SORCS3: variants seen among roughly 807,000 people sequenced by gnomAD.
SORCS3 encodes the protein sortilin related VPS10 domain containing receptor 3.
In SORCS3, 57 loss-of-function variants were observed where a neutral mutation model predicts 146.3. The ratio of observed to expected loss-of-function variants is 0.39; its 90% CI spans 0.31 to 0.49. SORCS3 has a LOEUF of 0.49. SORCS3 is among the 20% of genes least tolerant of loss of function. SORCS3 has a pLI of 0.92. For synonymous variants in SORCS3, 653 were observed against 618.5 expected (o/e 1.06, Z -0.83); for missense variants, 1,341 against 1,575.5 (o/e 0.85, Z 2.52).
intron 14 of SORCS3, among the ~76,000 whole-genome samples, 168 bp from the exon 15 acceptor site, chr10:105,199,831 T>C (rs1464533969): frequency 1.3e-5 from 2 of 152,208 alleles, no homozygotes; most frequent in Non-Finnish European, 2.9e-5. Context: ...GATTGAATTG[T>C]ATGGATAGTG....
At chr10:104,923,470 C>T (rs553970167) in intron 3 of SORCS3, among the ~76,000 whole-genome samples, 1 of 152,230 alleles carries the variant, frequency 6.6e-6, no homozygotes, top group Non-Finnish European at 1.5e-5. Flanking sequence ...AACACACTGG[C>T]TCTGCTGGTA....
chr10:104,987,564 T>C (rs1446083338), intron 4 of SORCS3, among the ~76,000 whole-genome samples: 2 of 152,208 alleles, frequency 1.3e-5, no homozygotes, highest in Non-Finnish European at 1.5e-5. Flanking sequence ...AACTAAAATA[T>C]GCAGCCTGAG....
At chr10:105,120,333 T>C (rs2055923042) in intron 7 of SORCS3, among the ~76,000 whole-genome samples, 1 of 152,330 alleles carries the variant, frequency 6.6e-6, no homozygotes, top group Admixed American at 6.5e-5. Flanking sequence ...TTAAGAAGTT[T>C]AATTACCCAG....
At chr10:105,220,281 A>G (rs1320078780) in intron 19 of SORCS3, among the ~76,000 whole-genome samples, 1 of 152,172 alleles carries the variant, frequency 6.6e-6, no homozygotes, top group Non-Finnish European at 1.5e-5. Context: ...TTAACCAAAC[A>G]TGCTTGTCCT....
chr10:105,212,138 A>G (rs1371504373), intron 17 of SORCS3, among the ~76,000 whole-genome samples: 3 of 152,190 alleles, frequency 2.0e-5, no homozygotes, highest in African/African-American at 7.2e-5. Flanking sequence ...GTAGATGTAG[A>G]TAGGTTGAGT....
chr10:105,004,188 C>A (rs560424170), intron 4 of SORCS3, among the ~76,000 whole-genome samples: 2 of 152,022 alleles, frequency 1.3e-5, no homozygotes, highest in Non-Finnish European at 2.9e-5. Flanking sequence ...GGAAGCCTGG[C>A]GGGGTTGGGG....
chr10:105,245,066 C>CAAA (rs3043042), intron 20 of SORCS3, among the ~76,000 whole-genome samples: 28 of 99,748 alleles, frequency 2.8e-4, no homozygotes, highest in Non-Finnish European at 4.2e-4. Flanking sequence ...AAGACTCTGT[C>CAAA]AAAAAAAAAA....
intron 1 of SORCS3, among the ~76,000 whole-genome samples, chr10:104,747,651 C>T (rs2016926857): frequency 6.6e-6 from 1 of 152,206 alleles, no homozygotes; most frequent in Non-Finnish European, 1.5e-5. Flanking sequence ...TGATACTGTG[C>T]TATGCTCTGT....
intron 1 of SORCS3, among the ~76,000 whole-genome samples, chr10:104,765,957 G>C (rs1214725368): frequency 1.3e-5 from 2 of 152,146 alleles, no homozygotes; most frequent in Non-Finnish European, 2.9e-5. Context: ...AGGCCTGTGT[G>C]GGGAACATCT....
intron 14 of SORCS3, among the ~76,000 whole-genome samples, chr10:105,196,089 T>A (rs1164233985): frequency 6.6e-6 from 1 of 152,202 alleles, no homozygotes; most frequent in Non-Finnish European, 1.5e-5. Context: ...CCTATTCTTG[T>A]GTTCTGTCCT....
intron 2 of SORCS3, among the ~76,000 whole-genome samples, chr10:104,844,631 T>A (rs1036153752): frequency 2.0e-5 from 3 of 152,176 alleles, no homozygotes; most frequent in Non-Finnish European, 2.9e-5. Context: ...CACCAAGCTG[T>A]GTTATTTTGG....
intron 2 of SORCS3, among the ~76,000 whole-genome samples, chr10:104,856,874 G>GAT (rs1402080059): frequency 6.9e-6 from 1 of 144,684 alleles, no homozygotes; most frequent in African/African-American, 2.5e-5. Context: ...ATAAATTAGA[G>GAT]ATATATATAG....
intron 1 of SORCS3, among the ~76,000 whole-genome samples, chr10:104,706,332 G>A (rs1453514305): frequency 2.7e-5 from 4 of 147,638 alleles, no homozygotes; most frequent in Non-Finnish European, 4.5e-5. Context: ...CTCAGCCTCC[G>A]GAGTAGCTGG....
intron 1 of SORCS3, among the ~76,000 whole-genome samples, chr10:104,696,137 CAT>C (rs1365835218): frequency 5.1e-5 from 5 of 98,746 alleles, no homozygotes; most frequent in South Asian, 2.8e-4. Flanking sequence ...ATCATATACA[CAT>C]ATTATATATA....
intron 7 of SORCS3, among the ~76,000 whole-genome samples, chr10:105,120,998 A>C (rs1288370764): frequency 6.6e-6 from 1 of 152,162 alleles, no homozygotes; most frequent in Non-Finnish European, 1.5e-5. Flanking sequence ...CAGGATGCTT[A>C]TATGGAGGGA....
At chr10:105,086,324 G>A (rs1438958215) in intron 5 of SORCS3, among the ~76,000 whole-genome samples, 2 of 152,158 alleles carry the variant, frequency 1.3e-5, no homozygotes, top group Non-Finnish European at 2.9e-5. Context: ...CAAACCACAG[G>A]TGTCCACTCT....
chr10:104,648,216 GTGCACT>G (rs1258769423), intron 1 of SORCS3, among the ~76,000 whole-genome samples: 4 of 152,238 alleles, frequency 2.6e-5, no homozygotes, highest in Non-Finnish European at 5.9e-5. Context: ...AAGACTGGAA[GTGCACT>G]TGGGAATTGT....
chr10:104,996,124 A>G (rs913660910), intron 4 of SORCS3, among the ~76,000 whole-genome samples: 1 of 152,120 alleles, frequency 6.6e-6, no homozygotes, highest in Non-Finnish European at 1.5e-5. Context: ...CTATTTGCTT[A>G]TCTTGACACC....
At chr10:104,761,889 C>G (rs2133477052) in intron 1 of SORCS3, among the ~76,000 whole-genome samples, 1 of 152,282 alleles carries the variant, frequency 6.6e-6, no homozygotes, top group Non-Finnish European at 1.5e-5. Flanking sequence ...ACATTGCCTG[C>G]TTTTGCCTGT....
Sources: allele counts gnomAD v4.1 joint callset (sites outside exome capture counted in the v4.1 genomes callset), GRCh38; gene constraint gnomAD v4.1.1; transcripts MANE v1.5; gene names NCBI Gene and HGNC (gene_info 2026-07-23, HGNC 2026-07-21).